SNTG1: variants seen among roughly 807,000 people sequenced by gnomAD.
The protein encoded by SNTG1 is syntrophin gamma 1, also known as gamma-1-syntrophin.
A neutral mutation model predicts 74.7 loss-of-function variants in SNTG1; 39 were observed. The observed-to-expected ratio is 0.52, with a 90% confidence interval of 0.40 to 0.68. SNTG1 has a LOEUF of 0.68. Among genes scored for constraint, SNTG1 ranks in the 30% least tolerant of loss-of-function variants. SNTG1 has a pLI of 0.00. For synonymous variants in SNTG1, 254 were observed against 217.1 expected, an observed-to-expected ratio of 1.17 and a Z score of -1.49; for missense variants, 685 against 609.5, an observed-to-expected ratio of 1.12 and a Z score of -1.30.
intron 13 of SNTG1, among the ~76,000 whole-genome samples, chr8:50,640,895 T>C (rs973174344): frequency 6.6e-6 from 1 of 152,152 alleles, no homozygotes; most frequent in African/African-American, 2.4e-5. Flanking sequence ...CCCAAGCTCA[T>C]AATATCCCAA....
At chr8:50,485,521 G>GTT (rs1325836931) in intron 8 of SNTG1, among the ~76,000 whole-genome samples, 9 of 151,706 alleles carry the variant, frequency 5.9e-5, no homozygotes, top group African/African-American at 2.2e-4. Context: ...GGGGTTGTTT[G>GTT]TTTTTTTCTT....
Position 50,656,939 on chromosome 8 carries a change from G to A in SNTG1, c.880G>A (p.Glu294Lys), listed in dbSNP as rs754084494. The A allele has an allele frequency of 6.2e-7, 1 of 1,603,716 alleles. No individual in the cohort carries two copies. Among genetic ancestry groups the A allele is most frequent in the South Asian group, 1.1e-5 (1 of 89,680 alleles). ...CTACATGGGCTGGTGTGAAGCCCGGGAGCAAGACCCCCTCCAGGACAGAGT... is the reference window on the plus strand; with the variant it reads ...CTACATGGGCTGGTGTGAAGCCCGGAAGCAAGACCCCCTCCAGGACAGAGT... ...IVYMGWCEAR[E>K]QDPLQDRVYS... The change falls in exon 14 of 19, where the codon GAG (glutamate) becomes AAG (lysine). Residue 294 changes from glutamate to lysine, a missense_variant. Transcript: ENST00000642720.
chr8:50,611,923 T>C (rs113935447), intron 13 of SNTG1, among the ~76,000 whole-genome samples: 6,463 of 152,150 alleles, frequency 0.042, 237 homozygotes, highest in African/African-American at 0.093. Context: ...TTTGCCACCA[T>C]GTACAGCTAT....
intron 18 of SNTG1, among the ~76,000 whole-genome samples, chr8:50,752,966 A>T (rs547660216): frequency 6.6e-6 from 1 of 152,016 alleles, no homozygotes; most frequent in Admixed American, 6.6e-5. Context: ...CTTTGGACTC[A>T]TCTTTTCTGC....
Position 50,546,851 on chromosome 8 carries a change from G to A in SNTG1, c.681-6199G>A, listed in dbSNP as rs2930097. ...GGCTGGAGTGCAGTGGTGCAATCTC[G>A]GCTCACTGCAACCTCTGCCTCCTGA... On this transcript the variant is annotated intron_variant, in intron 11 of 18. Transcript: ENST00000642720. 6.2e-3 allele frequency among the ~76,000 whole-genome samples: 942 copies of A among 152,052 alleles called. 10 individuals are homozygous for A. The highest frequency in any genetic ancestry group is 0.022 in the African/African-American group (905 of 41,464).
chr8:50,558,615 G>A (rs938869519), intron 12 of SNTG1, among the ~76,000 whole-genome samples: 2 of 151,354 alleles, frequency 1.3e-5, no homozygotes, highest in Admixed American at 6.6e-5. Flanking sequence ...AGGTATAACC[G>A]GTGGGAAAGA....
At chr8:50,486,203 G>A (rs1427802227) in intron 8 of SNTG1, among the ~76,000 whole-genome samples, 3 of 150,428 alleles carry the variant, frequency 2.0e-5, no homozygotes, top group African/African-American at 4.9e-5. Flanking sequence ...TTGGTAGCTT[G>A]ATGGGGATGG....
At chr8:50,019,195 A>T (rs1354101075) in intron 1 of SNTG1, among the ~76,000 whole-genome samples, 1 of 152,066 alleles carries the variant, frequency 6.6e-6, no homozygotes, top group Non-Finnish European at 1.5e-5. Context: ...ATGGAAGTGA[A>T]TATTTTAAAT....
intron 1 of SNTG1, among the ~76,000 whole-genome samples, chr8:50,028,723 T>G (rs1438190178): frequency 6.6e-6 from 1 of 151,992 alleles, no homozygotes; most frequent in African/African-American, 2.4e-5. Context: ...ACATGTACCC[T>G]AAAACTTAAA....
intron 2 of SNTG1, among the ~76,000 whole-genome samples, chr8:50,298,354 G>A (rs1563862343): frequency 6.6e-6 from 1 of 152,068 alleles, no homozygotes; most frequent in Non-Finnish European, 1.5e-5. Flanking sequence ...ATTCCAATGG[G>A]GTGGAGTTAG....
At chr8:50,161,171 A>G (rs1309888315) in intron 1 of SNTG1, among the ~76,000 whole-genome samples, 8 of 152,234 alleles carry the variant, frequency 5.3e-5, no homozygotes, top group East Asian at 1.9e-4. Context: ...ACATGATCAC[A>G]TAAGTTGAAA....
chr8:50,002,807 A>G (rs1405281609), intron 1 of SNTG1, among the ~76,000 whole-genome samples: 1 of 152,206 alleles, frequency 6.6e-6, no homozygotes, highest in Non-Finnish European at 1.5e-5. Flanking sequence ...AAATGTGAAT[A>G]GCAACAGAAT....
intron 8 of SNTG1, among the ~76,000 whole-genome samples, chr8:50,500,161 C>T (rs1794594851): frequency 6.7e-6 from 1 of 150,260 alleles, no homozygotes; most frequent in African/African-American, 2.4e-5. Flanking sequence ...CCTCTTCTTT[C>T]TCCTCTCCTC....
chr8:49,991,133 C>T (rs1268433801), intron 1 of SNTG1, among the ~76,000 whole-genome samples: 1 of 152,054 alleles, frequency 6.6e-6, no homozygotes, highest in Non-Finnish European at 1.5e-5. Flanking sequence ...GACAAAGAGT[C>T]TGAACAGGCT....
At chr8:50,633,494 A>C (rs1300027422) in intron 13 of SNTG1, among the ~76,000 whole-genome samples, 1 of 152,192 alleles carries the variant, frequency 6.6e-6, no homozygotes, top group Non-Finnish European at 1.5e-5. Flanking sequence ...CTAAAGATGG[A>C]TAACAAGGGC....
At chr8:50,069,603 T>G in intron 1 of SNTG1, among the ~76,000 whole-genome samples, 1 of 132,812 alleles carries the variant, frequency 7.5e-6, no homozygotes, top group African/African-American at 2.9e-5. Context: ...TTTTTTTTTT[T>G]TTTTTTTTTT....
intron 17 of SNTG1, among the ~76,000 whole-genome samples, chr8:50,742,101 T>C (rs1319820899): frequency 6.6e-6 from 1 of 151,954 alleles, no homozygotes; most frequent in Non-Finnish European, 1.5e-5. Flanking sequence ...TCTGTGAACA[T>C]GAAACTGCTC....
chr8:50,514,160 T>C (rs1164911755), intron 9 of SNTG1, among the ~76,000 whole-genome samples: 1 of 152,210 alleles, frequency 6.6e-6, no homozygotes, highest in African/African-American at 2.4e-5. Context: ...ATAAACCAAC[T>C]ATTTGCTTAG....
intron 1 of SNTG1, among the ~76,000 whole-genome samples, chr8:50,117,775 G>T (rs765028596): frequency 6.6e-6 from 1 of 152,108 alleles, no homozygotes; most frequent in Non-Finnish European, 1.5e-5. Context: ...CAACTGAAAA[G>T]TCCCAGGAAC....
Sources: allele counts gnomAD v4.1 joint callset (sites outside exome capture counted in the v4.1 genomes callset), GRCh38; gene constraint gnomAD v4.1.1; transcripts MANE v1.5; gene names NCBI Gene and HGNC (gene_info 2026-07-23, HGNC 2026-07-21).